The following UBE2E2 variants were observed in gnomAD, a reference collection of about 807,000 sequenced individuals.
UBE2E2 encodes the protein ubiquitin conjugating enzyme E2 E2.
UBE2E2 carries 6 observed loss-of-function variants against 24.7 expected under a neutral mutation model. That is an observed-to-expected ratio of 0.24 (90% CI 0.13 to 0.48). The LOEUF (loss-of-function observed/expected upper bound fraction) is 0.48. UBE2E2 is among the 20% of genes least tolerant of loss of function. The probability of loss-of-function intolerance (pLI) is 0.99; values close to 1 mark genes in which losing one functional copy is unlikely to be tolerated. For synonymous variants in UBE2E2, 104 were observed against 83.6 expected (o/e 1.24, Z -1.33); for missense variants, 169 against 245.0 (o/e 0.69, Z 2.07).
chr3:23,493,563 CAGTA>C (rs1228243215), intron 3 of UBE2E2, among the ~76,000 whole-genome samples: 2 of 151,870 alleles, frequency 1.3e-5, no homozygotes, highest in African/African-American at 4.8e-5. Flanking sequence ...GAAAATAAAA[CAGTA>C]AGGGAATTGA....
At chr3:23,442,707 A>G (rs1446546264) in intron 3 of UBE2E2, among the ~76,000 whole-genome samples, 1 of 152,164 alleles carries the variant, frequency 6.6e-6, no homozygotes, top group Admixed American at 6.5e-5. Flanking sequence ...TTGTAAGTGA[A>G]TAACTTAGCC....
chr3:23,353,266 C>A (rs976690800), intron 3 of UBE2E2, among the ~76,000 whole-genome samples: 2 of 152,000 alleles, frequency 1.3e-5, no homozygotes, highest in Non-Finnish European at 2.9e-5. Context: ...ATGACAAACC[C>A]ACAGCCAATA....
chr3:23,442,472 C>CAT (rs1698330302), intron 3 of UBE2E2, among the ~76,000 whole-genome samples: 1 of 152,024 alleles, frequency 6.6e-6, no homozygotes, highest in Non-Finnish European at 1.5e-5. Context: ...TTCGTAAAGA[C>CAT]ATATAAAGCA....
intron 3 of UBE2E2, among the ~76,000 whole-genome samples, chr3:23,419,745 A>G (rs914809349): frequency 6.6e-6 from 1 of 152,146 alleles, no homozygotes; most frequent in Admixed American, 6.6e-5. Flanking sequence ...GATATTAGGC[A>G]CTGAATAAAT....
chr3:23,571,280 C>CTCTTTTTTTTTTTTTTTTTTTTTTT (rs1696217145), intron 5 of UBE2E2, among the ~76,000 whole-genome samples: 3 of 29,882 alleles, frequency 1.0e-4, no homozygotes, highest in African/African-American at 3.1e-4. Context: ...GTGCTCCTTT[C>CTCTTTTTTTTTTTTTTTTTTTTTTT]TTTTTTTTTT....
At chr3:23,416,431 G>A (rs934442572) in intron 3 of UBE2E2, among the ~76,000 whole-genome samples, 1 of 152,214 alleles carries the variant, frequency 6.6e-6, no homozygotes, top group Non-Finnish European at 1.5e-5. Flanking sequence ...CTGTTAGTCT[G>A]ATGGGCTTCC....
chr3:23,316,205 C>A (rs1375271754), intron 3 of UBE2E2, among the ~76,000 whole-genome samples: 1 of 152,106 alleles, frequency 6.6e-6, no homozygotes, highest in Non-Finnish European at 1.5e-5. Flanking sequence ...CAGGGTGATG[C>A]CTTCCCTTAG....
chr3:23,436,116 C>T (rs777180003), intron 3 of UBE2E2, among the ~76,000 whole-genome samples: 12 of 152,116 alleles, frequency 7.9e-5, no homozygotes, highest in Non-Finnish European at 1.6e-4. Context: ...TCCTGCTGTG[C>T]GGCCCAGTTC....
intron 2 of UBE2E2, among the ~76,000 whole-genome samples, chr3:23,213,192 G>A (rs1483159626): frequency 6.6e-6 from 1 of 151,956 alleles, no homozygotes; most frequent in Non-Finnish European, 1.5e-5. Flanking sequence ...GTTCTACTTG[G>A]CTCTCAGTAA....
chr3:23,256,803 C>T (rs2125350460), intron 3 of UBE2E2, among the ~76,000 whole-genome samples: 1 of 152,288 alleles, frequency 6.6e-6, no homozygotes, highest in South Asian at 2.1e-4. Flanking sequence ...TGCTCTCACA[C>T]ACGCACATAT....
intron 5 of UBE2E2, among the ~76,000 whole-genome samples, chr3:23,579,290 CAGG>C (rs967419504): frequency 2.7e-5 from 4 of 150,370 alleles, no homozygotes; most frequent in African/African-American, 9.8e-5. Context: ...GAGGCTGAGG[CAGG>C]AGAATGGCGT....
intron 3 of UBE2E2, among the ~76,000 whole-genome samples, chr3:23,334,703 T>G (rs1286020767): frequency 6.6e-6 from 1 of 152,178 alleles, no homozygotes; most frequent in African/African-American, 2.4e-5. Flanking sequence ...AAAGATCAAC[T>G]GTATTATGTT....
At chr3:23,320,142 T>C (rs1342228754) in intron 3 of UBE2E2, among the ~76,000 whole-genome samples, 3 of 152,208 alleles carry the variant, frequency 2.0e-5, no homozygotes, top group African/African-American at 7.2e-5. Context: ...CTGGGGGTTG[T>C]CATAGTCATC....
chr3:23,239,349 C>T (rs1181499113), intron 3 of UBE2E2, among the ~76,000 whole-genome samples: 1 of 152,160 alleles, frequency 6.6e-6, no homozygotes, highest in Non-Finnish European at 1.5e-5. Flanking sequence ...AGTGTACTCA[C>T]AACGTTGTGC....
At chr3:23,246,956 CTTCT>C (rs1697427642) in intron 3 of UBE2E2, among the ~76,000 whole-genome samples, 1 of 152,108 alleles carries the variant, frequency 6.6e-6, no homozygotes, top group Non-Finnish European at 1.5e-5. Flanking sequence ...CTCAAGGGTT[CTTCT>C]TGCCTCAGCC....
At chr3:23,399,193 C>G (rs1697153943) in intron 3 of UBE2E2, among the ~76,000 whole-genome samples, 1 of 152,172 alleles carries the variant, frequency 6.6e-6, no homozygotes, top group South Asian at 2.1e-4. Flanking sequence ...TTTTTCCTTT[C>G]CTGTTCAAGT....
At chr3:23,448,160 A>G (rs1014620663) in intron 3 of UBE2E2, among the ~76,000 whole-genome samples, 1 of 152,188 alleles carries the variant, frequency 6.6e-6, no homozygotes, top group Non-Finnish European at 1.5e-5. Context: ...CAGGAAGTCT[A>G]ACAGAGTTTA....
chr3:23,526,269 ATAT>A (rs1694995332), intron 4 of UBE2E2, among the ~76,000 whole-genome samples: 1 of 152,370 alleles, frequency 6.6e-6, no homozygotes, highest in African/African-American at 2.4e-5. Flanking sequence ...TTGTGAAATA[ATAT>A]TATAACCTGT....
intron 3 of UBE2E2, among the ~76,000 whole-genome samples, chr3:23,348,644 G>C (rs1695633125): frequency 6.6e-6 from 1 of 152,198 alleles, no homozygotes; most frequent in African/African-American, 2.4e-5. Context: ...ATGGGGGACT[G>C]AGGTACATAG....
Sources: allele counts gnomAD v4.1 joint callset (sites outside exome capture counted in the v4.1 genomes callset), GRCh38; gene constraint gnomAD v4.1.1; transcripts MANE v1.5; gene names NCBI Gene and HGNC (gene_info 2026-07-23, HGNC 2026-07-21).